The following MYRIP variants were observed in gnomAD, a reference collection of about 807,000 sequenced individuals.
The protein encoded by MYRIP is myosin VIIA and Rab interacting protein.
MYRIP carries 49 observed loss-of-function variants against 98.0 expected under a neutral mutation model. That is an observed-to-expected ratio of 0.50 (90% confidence interval 0.40 to 0.63). The LOEUF (loss-of-function observed/expected upper bound fraction) is 0.63, where lower values mean the gene tolerates loss of function less well. MYRIP is among the 30% of genes least tolerant of loss of function. The probability of loss-of-function intolerance (pLI) is 0.00; values close to 1 mark genes in which losing one functional copy is unlikely to be tolerated. For synonymous variants in MYRIP, 404 were observed against 409.5 expected (o/e 0.99, Z 0.16); for missense variants, 1,004 against 1,058.2 (o/e 0.95, Z 0.71).
chr3:40,040,117 G>A (rs1052448666), intron 2 of MYRIP, among the ~76,000 whole-genome samples: 2 of 152,110 alleles, frequency 1.3e-5, no homozygotes, highest in Admixed American at 6.5e-5. Flanking sequence ...TTCCAAATAA[G>A]GTAATAGTTA....
At chr3:40,135,994 G>A (rs1316687465) in intron 3 of MYRIP, among the ~76,000 whole-genome samples, 3 of 152,182 alleles carry the variant, frequency 2.0e-5, no homozygotes, top group Non-Finnish European at 4.4e-5. Context: ...AAAATAACAA[G>A]CTAACATCAT....
At position 40,009,259 on chromosome 3, in the gene MYRIP, C is replaced by T. The variant is rs1188079785; in HGVS notation, c.111-34791C>T. Among the ~76,000 whole-genome samples the T allele has an allele frequency of 1.1e-4, 15 of 142,400 alleles. No individual in the cohort carries two copies. The East Asian group carries it at 1.5e-3, about 14-fold the overall frequency. The allele number at this position is 142,400 out of a possible 152,430, so 93.4% of individuals were successfully genotyped here. A position where few individuals can be genotyped will look rare whatever the true frequency, so the allele number is the denominator to read the frequency against. On this transcript the variant is annotated intron_variant, in intron 2 of 16. Coordinates refer to ENST00000302541, the MANE Select transcript of MYRIP (RefSeq NM_015460.4). Reference sequence around the variant, plus strand: ...CTTCTTTTTTTTTTTTTTTTTGAGACGGAGTCTCACTCTGTCACCCAGGCT... The same window carrying T: ...CTTCTTTTTTTTTTTTTTTTTGAGATGGAGTCTCACTCTGTCACCCAGGCT...
rs1415168641 is a variant in MYRIP at position 40,118,525 on chromosome 3, A to C, written c.333-32523A>C. Among the ~76,000 whole-genome samples, 4 of 152,102 alleles carry C rather than the reference A, an allele frequency of 2.6e-5. No homozygotes were observed. In the East Asian group the frequency reaches 7.7e-4, roughly 29 times the overall value. ...AAATGCCTGCATGCCCCTAAACAGG[A>C]ATGAGGAAACTTTTTTTTTTCCCTG... On this transcript the variant is annotated intron_variant, in intron 3 of 16. Transcript: ENST00000302541.
intron 1 of MYRIP, among the ~76,000 whole-genome samples, chr3:39,869,798 T>G (rs949733875): frequency 1.8e-4 from 27 of 152,162 alleles, no homozygotes; most frequent in African/African-American, 6.3e-4. Context: ...TCAGAATACA[T>G]GTATTCAGTA....
chr3:40,224,488 A>G (rs1952434875), intron 11 of MYRIP, among the ~76,000 whole-genome samples: 7 of 151,322 alleles, frequency 4.6e-5, no homozygotes, highest in Admixed American at 4.6e-4. Context: ...CCTGCTTTAC[A>G]CCTGCCAGAG....
chr3:40,078,331 G>A (rs1948399810), intron 3 of MYRIP, among the ~76,000 whole-genome samples: 1 of 152,194 alleles, frequency 6.6e-6, no homozygotes, highest in African/African-American at 2.4e-5. Context: ...CCTGCGAGCC[G>A]GCTCTGGCCT....
At chr3:39,884,645 G>T (rs1281254204) in intron 1 of MYRIP, among the ~76,000 whole-genome samples, 1 of 152,010 alleles carries the variant, frequency 6.6e-6, no homozygotes, top group East Asian at 1.9e-4. Flanking sequence ...TTATCCAAAT[G>T]AAAACATACC....
chr3:40,009,393 C>T (rs1013652593), intron 2 of MYRIP, among the ~76,000 whole-genome samples: 1 of 152,084 alleles, frequency 6.6e-6, no homozygotes, highest in Non-Finnish European at 1.5e-5. Context: ...CCTGCCACCA[C>T]ACCTGGCTAA....
At chr3:39,813,898 A>T (rs1441727606) in intron 1 of MYRIP, among the ~76,000 whole-genome samples, 1 of 152,012 alleles carries the variant, frequency 6.6e-6, no homozygotes, top group Non-Finnish European at 1.5e-5. Context: ...TGTCTTATCT[A>T]TTTTTGTGAT....
chr3:40,186,490 G>C (rs1056775360), intron 9 of MYRIP, among the ~76,000 whole-genome samples: 4 of 152,092 alleles, frequency 2.6e-5, no homozygotes, highest in African/African-American at 9.7e-5. Context: ...GACCCCACTG[G>C]GGACTCTGGG....
At chr3:40,013,794 G>A (rs969884713) in intron 2 of MYRIP, among the ~76,000 whole-genome samples, 4 of 152,222 alleles carry the variant, frequency 2.6e-5, no homozygotes, top group African/African-American at 9.7e-5. Flanking sequence ...AAAGTTCTTT[G>A]TGCCTGTGGA....
At chr3:39,870,708 G>C (rs9853885) in intron 1 of MYRIP, among the ~76,000 whole-genome samples, 95,405 of 152,004 alleles carry the variant, frequency 0.63, 31,095 homozygotes, top group African/African-American at 0.82. Flanking sequence ...CTGTTTTCAC[G>C]CCCTTTCTCT....
At chr3:40,134,413 A>C (rs1171420118) in intron 3 of MYRIP, among the ~76,000 whole-genome samples, 1 of 152,262 alleles carries the variant, frequency 6.6e-6, no homozygotes, top group African/African-American at 2.4e-5. Context: ...AGCTCACCAC[A>C]GCTCAAAGAG....
At chr3:39,940,150 T>A (rs1944752148) in intron 2 of MYRIP, among the ~76,000 whole-genome samples, 2 of 152,118 alleles carry the variant, frequency 1.3e-5, no homozygotes, top group African/African-American at 4.8e-5. Flanking sequence ...GAATCATACA[T>A]ACATAAATCT....
At chr3:39,954,457 G>C (rs979437708) in intron 2 of MYRIP, among the ~76,000 whole-genome samples, 2 of 152,202 alleles carry the variant, frequency 1.3e-5, no homozygotes, top group Non-Finnish European at 2.9e-5. Flanking sequence ...TGAGGGTCCT[G>C]ACTGTTAGAA....
intron 10 of MYRIP, among the ~76,000 whole-genome samples, chr3:40,202,663 G>A (rs1951600805): frequency 6.6e-6 from 1 of 152,140 alleles, no homozygotes; most frequent in African/African-American, 2.4e-5. Context: ...TGGTGTAAGA[G>A]AAGAGCTTGG....
At chr3:40,138,634 T>G (rs1949831181) in intron 3 of MYRIP, among the ~76,000 whole-genome samples, 6 of 152,214 alleles carry the variant, frequency 3.9e-5, no homozygotes. Flanking sequence ...TTAATAGAAG[T>G]TATAAAGTTC....
chr3:39,998,352 A>G (rs975693915), intron 2 of MYRIP, among the ~76,000 whole-genome samples: 13 of 152,248 alleles, frequency 8.5e-5, no homozygotes, highest in African/African-American at 2.2e-4. Context: ...TACAAAATCA[A>G]TCTGCAAAAA....
rs183721858 is a variant in MYRIP at position 39,907,414 on chromosome 3, G to A, written c.110+6488G>A. Among the ~76,000 whole-genome samples, 210 of 152,174 alleles carry A rather than the reference G, an allele frequency of 1.4e-3. 2 individuals are homozygous for A. The highest frequency in any genetic ancestry group is 6.8e-3 in the Middle Eastern group (2 of 294). On this transcript the variant is annotated intron_variant, in intron 2 of 16. Coordinates refer to ENST00000302541, the MANE Select transcript of MYRIP (RefSeq NM_015460.4). ...GCCATGTGATTAGGTCTGGATAATC[G>A]ACAGTGAGAGGAAGGGCCTGTATTA...
Sources: allele counts gnomAD v4.1 joint callset (sites outside exome capture counted in the v4.1 genomes callset), GRCh38; gene constraint gnomAD v4.1.1; transcripts MANE v1.5; gene names NCBI Gene and HGNC (gene_info 2026-07-23, HGNC 2026-07-21).